The following MIGA1 variants were observed in gnomAD, a reference collection of about 807,000 sequenced individuals.
MIGA1 encodes family with sequence similarity 73, member A.
MIGA1 carries 58 observed loss-of-function variants against 82.0 expected under a neutral mutation model. The observed-to-expected ratio is 0.71, with a 90% CI of 0.57 to 0.88. The LOEUF (loss-of-function observed/expected upper bound fraction) is 0.88. Among genes scored for constraint, MIGA1 ranks in the 40% least tolerant of loss-of-function variants. The pLI is 0.00. For missense variants in MIGA1, 751 were observed against 749.1 expected (o/e 1.00, Z -0.03); for synonymous variants, 249 against 253.6 (o/e 0.98, Z 0.17).
chr1:77,836,578 G>A (rs1307876942), intron 7 of MIGA1, among the ~76,000 whole-genome samples: 1 of 152,140 alleles, frequency 6.6e-6, no homozygotes, highest in African/African-American at 2.4e-5. Context: ...TTATACTCAC[G>A]ATGGACCAAG....
intron 7 of MIGA1, among the ~76,000 whole-genome samples, chr1:77,827,747 G>A (rs574628568): frequency 1.5e-3 from 230 of 152,140 alleles, no homozygotes; most frequent in Admixed American, 2.8e-3. Flanking sequence ...CCTCTACCTG[G>A]TTAATTGCAT....
At chr1:77,824,350 C>T (rs908022617) in intron 7 of MIGA1, among the ~76,000 whole-genome samples, 1 of 151,878 alleles carries the variant, frequency 6.6e-6, no homozygotes, top group African/African-American at 2.4e-5. Context: ...TGCTTGAGAC[C>T]AGGAGTTCAA....
At chr1:77,779,884 C>T in intron 1 of MIGA1, 148 bp downstream of exon 1, 1 of 1,422,738 alleles carries the variant, frequency 7.0e-7, no homozygotes, top group East Asian at 2.6e-5. Flanking sequence ...GGTGGAGCGG[C>T]GGAAAGCCAG....
At chr1:77,862,894 T>C (rs1387482020) in intron 12 of MIGA1, among the ~76,000 whole-genome samples, 2 of 149,394 alleles carry the variant, frequency 1.3e-5, no homozygotes, top group Non-Finnish European at 3.0e-5. Context: ...TAAGCCGAGA[T>C]CGTGCCAGTG....
At chr1:77,824,983 C>CTTTTTTT (rs11375207) in intron 7 of MIGA1, among the ~76,000 whole-genome samples, 23 of 103,136 alleles carry the variant, frequency 2.2e-4, no homozygotes, top group Admixed American at 6.5e-4. Flanking sequence ...TTCTATTCCT[C>CTTTTTTT]TTTTTTTTTT....
At chr1:77,828,441 G>GC (rs1291724369) in intron 7 of MIGA1, among the ~76,000 whole-genome samples, 1 of 152,170 alleles carries the variant, frequency 6.6e-6, no homozygotes, top group Non-Finnish European at 1.5e-5. Flanking sequence ...CTGAATGATA[G>GC]ATATTTGGAT....
At chr1:77,781,908 G>C (rs998538981) in intron 1 of MIGA1, among the ~76,000 whole-genome samples, 1 of 152,150 alleles carries the variant, frequency 6.6e-6, no homozygotes, top group African/African-American at 2.4e-5. Flanking sequence ...ATTAACAGAA[G>C]GGGATAGTCT....
chr1:77,854,135 T>C (rs375840457), intron 8 of MIGA1, among the ~76,000 whole-genome samples: 64 of 152,294 alleles, frequency 4.2e-4, no homozygotes, highest in African/African-American at 1.5e-3. Context: ...TGAGAACATA[T>C]GATGTTTGGT....
chr1:77,860,925 A>C (rs113576149), intron 11 of MIGA1: 4 of 265,956 alleles, frequency 1.5e-5, no homozygotes, highest in African/African-American at 9.1e-5. Context: ...ACTGCAACAA[A>C]AGCCTCACAT....
intron 8 of MIGA1, chr1:77,847,127 A>G (rs1453430746): frequency 2.1e-6 from 2 of 947,122 alleles, no homozygotes; most frequent in East Asian, 2.4e-5. Context: ...CTGGGCAGGC[A>G]GTATGGGTTT....
At chr1:77,785,020 C>G (rs1682086153) in intron 2 of MIGA1, among the ~76,000 whole-genome samples, 2 of 152,174 alleles carry the variant, frequency 1.3e-5, no homozygotes, top group South Asian at 4.1e-4. Flanking sequence ...GGTGGGGACA[C>G]AGCCAAACCA....
chr1:77,833,273 TAC>T (rs879313635), intron 7 of MIGA1, among the ~76,000 whole-genome samples: 3 of 152,220 alleles, frequency 2.0e-5, no homozygotes, highest in Non-Finnish European at 4.4e-5. Context: ...CATCTAAATA[TAC>T]AGAGTACACA....
At chr1:77,780,020 C>T (rs1681831768) in intron 1 of MIGA1, 1 of 1,188,486 alleles carries the variant, frequency 8.4e-7, no homozygotes, top group South Asian at 2.5e-5. Context: ...GGGAGGCCTG[C>T]AAAGGAAGCG....
At chr1:77,873,147 CT>C (rs748655937) in intron 15 of MIGA1, 27 bp downstream of exon 15, 26 of 1,584,916 alleles carry the variant, frequency 1.6e-5, no homozygotes, top group Admixed American at 7.2e-5. Context: ...AATCATTTCT[CT>C]TTTTTTTCTA....
chr1:77,858,812 G>A, intron 8 of MIGA1, 126 bp from the exon 9 acceptor site: 1 of 601,042 alleles, frequency 1.7e-6, no homozygotes, highest in Non-Finnish European at 3.0e-6. Flanking sequence ...TAGAGACAGG[G>A]TCTTACCATG....
chr1:77,812,153 A>G (rs1045789022), intron 5 of MIGA1, among the ~76,000 whole-genome samples: 2 of 152,130 alleles, frequency 1.3e-5, no homozygotes, highest in East Asian at 1.9e-4. Flanking sequence ...ATCTCTACAA[A>G]TAAATAAATA....
At chr1:77,853,982 C>G in intron 8 of MIGA1, 1 of 196,870 alleles carries the variant, frequency 5.1e-6, no homozygotes, top group East Asian at 1.4e-4. Context: ...CTTTGGTGCA[C>G]CTATCACCTG....
chr1:77,815,249 T>C lies in MIGA1; in HGVS notation c.895+18T>C, dbSNP rs1335315883. The C allele has an allele frequency of 6.4e-7, 1 of 1,551,132 alleles. No individual in the cohort carries two copies. Among genetic ancestry groups the C allele is most frequent in the South Asian group, 1.2e-5 (1 of 81,320 alleles). Reference sequence around the variant, plus strand: ...TGATATTGGTAAGATGGATATTTCATATGGCTTTTATGAAATGTTTACTTT... The same window carrying C: ...TGATATTGGTAAGATGGATATTTCACATGGCTTTTATGAAATGTTTACTTT... On this transcript the variant is annotated intron_variant, in intron 7 of 15. Coordinates refer to ENST00000370791, the MANE Select transcript of MIGA1 (RefSeq NM_198549.4).
At chr1:77,808,921 G>A (rs1327078174) in intron 5 of MIGA1, among the ~76,000 whole-genome samples, 1 of 152,152 alleles carries the variant, frequency 6.6e-6, no homozygotes, top group Non-Finnish European at 1.5e-5. Flanking sequence ...TCTGTGTCTA[G>A]GAAACTTAAC....
Sources: allele counts gnomAD v4.1 joint callset (sites outside exome capture counted in the v4.1 genomes callset), GRCh38; gene constraint gnomAD v4.1.1; transcripts MANE v1.5; gene names NCBI Gene and HGNC (gene_info 2026-07-23, HGNC 2026-07-21).